CR1L: variants seen among roughly 807,000 people sequenced by gnomAD.
CR1L encodes complement C3b/C4b receptor 1 like.
CR1L carries 59 observed loss-of-function variants against 62.3 expected under a neutral mutation model. The observed-to-expected ratio is 0.95, with a 90% CI of 0.77 to 1.18. CR1L has a LOEUF of 1.18. Ranked by LOEUF, CR1L falls within the 50% of genes most tolerant of loss-of-function variation. The probability of loss-of-function intolerance (pLI) is 0.00; values close to 1 mark genes in which losing one functional copy is unlikely to be tolerated. For synonymous variants in CR1L, 279 were observed against 248.7 expected, an observed-to-expected ratio of 1.12 and a Z score of -1.15; for missense variants, 700 against 702.8, an observed-to-expected ratio of 1.00 and a Z score of 0.04.
chr1:207,674,635 A>G (rs1195557818), intron 1 of CR1L, among the ~76,000 whole-genome samples: 4 of 152,208 alleles, frequency 2.6e-5, no homozygotes, highest in African/African-American at 4.8e-5. Flanking sequence ...ATGGTTCATT[A>G]TATTTGCTTT....
chr1:207,676,515 TG>T (rs1486857852), intron 1 of CR1L, among the ~76,000 whole-genome samples: 2 of 152,208 alleles, frequency 1.3e-5, no homozygotes, highest in Non-Finnish European at 2.9e-5. Flanking sequence ...TAATGCCTGA[TG>T]ATCTGAGTGG....
At chr1:207,723,439 AT>A (rs1267432593) in intron 11 of CR1L, among the ~76,000 whole-genome samples, 178 bp from the exon 12 acceptor site, 12 of 151,182 alleles carry the variant, frequency 7.9e-5, no homozygotes, top group Admixed American at 2.0e-4. Context: ...AAAAAAAAAA[AT>A]CTTCTCTGAG....
At chr1:207,708,630 C>T (rs1246490948) in intron 10 of CR1L, among the ~76,000 whole-genome samples, 2 of 152,214 alleles carry the variant, frequency 1.3e-5, no homozygotes, top group African/African-American at 4.8e-5. Flanking sequence ...AGTATCACAT[C>T]AGATATTCAA....
intron 10 of CR1L, among the ~76,000 whole-genome samples, chr1:207,712,656 A>C (rs1458282700): frequency 2.0e-5 from 3 of 152,182 alleles, no homozygotes; most frequent in African/African-American, 7.2e-5. Flanking sequence ...GCGTCTCTGC[A>C]CTGCATGCCC....
intron 4 of CR1L, among the ~76,000 whole-genome samples, chr1:207,685,065 A>G (rs1663878328): frequency 6.6e-6 from 1 of 152,266 alleles, no homozygotes; most frequent in African/African-American, 2.4e-5. Flanking sequence ...TAATAAGATA[A>G]CATGGAATTG....
intron 3 of CR1L, among the ~76,000 whole-genome samples, chr1:207,683,294 G>A (rs1663834152): frequency 1.3e-5 from 2 of 152,046 alleles, no homozygotes; most frequent in Middle Eastern, 3.4e-3. Context: ...GTGCCACCAT[G>A]CGTGGCTTTT....
intron 9 of CR1L, 31 bp from the exon 10 acceptor site, chr1:207,708,147 A>G (rs1021492939): frequency 6.3e-7 from 1 of 1,590,138 alleles, no homozygotes; most frequent in African/African-American, 1.5e-5. Flanking sequence ...AGGTATGTAC[A>G]GCACAATTAT....
At chr1:207,649,779 C>T (rs1663193766) in intron 1 of CR1L, among the ~76,000 whole-genome samples, 1 of 152,114 alleles carries the variant, frequency 6.6e-6, no homozygotes, top group Non-Finnish European at 1.5e-5. Context: ...ATTGGAGAGC[C>T]ATCGAAAGGT....
chr1:207,673,078 T>C (rs1427728816), intron 1 of CR1L, among the ~76,000 whole-genome samples: 1 of 152,184 alleles, frequency 6.6e-6, no homozygotes, highest in Non-Finnish European at 1.5e-5. Context: ...AAACAAATGC[T>C]GTCAATCTAA....
chr1:207,705,999 ATGTG>A (rs1200857176), intron 9 of CR1L, among the ~76,000 whole-genome samples: 1 of 114,158 alleles, frequency 8.8e-6, no homozygotes, highest in Non-Finnish European at 1.7e-5. Flanking sequence ...TGTCATATAT[ATGTG>A]TGTGTGTATG....
intron 9 of CR1L, among the ~76,000 whole-genome samples, chr1:207,702,144 T>A (rs1050473060): frequency 1.3e-5 from 2 of 152,224 alleles, no homozygotes; most frequent in African/African-American, 4.8e-5. Flanking sequence ...CGTGTCTCTG[T>A]GTAGCATTTT....
intron 1 of CR1L, chr1:207,658,436 T>A (rs942928997): frequency 3.3e-5 from 5 of 151,732 alleles, no homozygotes; most frequent in Non-Finnish European, 5.9e-5. Flanking sequence ...ATGAAAGAAG[T>A]GGTGGTCAAG....
In CR1L at chr1:207,717,643, G is replaced by A. The variant is rs1654035274; in HGVS notation, c.1594G>A (p.Gly532Arg). The A allele has an allele frequency of 1.2e-6, 2 of 1,613,870 alleles. No individual in the cohort carries two copies. The highest frequency in any genetic ancestry group is 3.3e-5 in the Admixed American group (2 of 59,998). Residue 532 changes from glycine (G) to arginine (R), a missense_variant, in exon 11 of 12, where the codon GGG (glycine) becomes AGG (arginine). Physicochemically the swap from Gly to Arg is moderately radical, Grantham distance 125. Coordinates refer to ENST00000508064, the MANE Select transcript of CR1L (RefSeq NM_175710.2). ...CCGCACAAGTGAACCTCATGGGAAT[G>A]GGGTTTGGAGCAGCCCTGCCCCTCG... Reference protein sequence around the residue: ...IRRTSEPHGNGVWSSPAPRCE... With the variant: ...IRRTSEPHGNRVWSSPAPRCE...
At chr1:207,706,206 C>G (rs1347924338) in intron 9 of CR1L, among the ~76,000 whole-genome samples, 1 of 151,590 alleles carries the variant, frequency 6.6e-6, no homozygotes, top group Non-Finnish European at 1.5e-5. Context: ...AATCACTTGA[C>G]CCCAGGACCT....
chr1:207,653,875 A>G (rs2102440782), intron 1 of CR1L, among the ~76,000 whole-genome samples: 1 of 152,338 alleles, frequency 6.6e-6, no homozygotes, highest in East Asian at 1.9e-4. Flanking sequence ...GAGGCTGGGG[A>G]ATTCAAGGGC....
Position 207,694,474 on chromosome 1 carries a change from G to T in CR1L, c.585G>T (p.Lys195Asn). Reference sequence around the variant, plus strand: ...GCAATCTTGGAAGCAGAGGGAAAAAGGTGTTTGAGCTTGTGGGTGAGCCCT... The same window carrying T: ...GCAATCTTGGAAGCAGAGGGAAAAATGTGTTTGAGCTTGTGGGTGAGCCCT... ...YHCNLGSRGK[K>N]VFELVGEPSI... is the part of the protein sequence containing the mutation. Residue 195 changes from lysine to asparagine, a missense_variant, in exon 5 of 12, where the codon AAG becomes AAT. Lys to Asn is a moderately conservative substitution (Grantham distance 94). Coordinates refer to ENST00000508064, the MANE Select transcript of CR1L (RefSeq NM_175710.2). The T allele has an allele frequency of 6.2e-7, 1 of 1,613,900 alleles. No individual in the cohort carries two copies. Among genetic ancestry groups the T allele is most frequent in the South Asian group, 1.1e-5 (1 of 91,072 alleles).
intron 1 of CR1L, among the ~76,000 whole-genome samples, chr1:207,648,222 C>G (rs867293473): frequency 0.012 from 893 of 75,210 alleles, 5 homozygotes; most frequent in African/African-American, 0.024. Flanking sequence ...CACACACACA[C>G]AGAAAAAAAA....
Position 207,697,623 on chromosome 1 carries a change from C to T in CR1L, c.983C>T (p.Thr328Met), listed in dbSNP as rs190769287. Residue 328 changes from threonine to methionine, a missense_variant, in exon 6 of 12, where the codon ACG becomes ATG. Thr to Met is a moderately conservative substitution (Grantham distance 81, BLOSUM62 -1). Coordinates refer to ENST00000508064, the MANE Select transcript of CR1L (RefSeq NM_175710.2). ...CEPGYDLRGS[T>M]YLHCTPQGDW... ...CCCGGCTACGACCTCAGAGGATCTA[C>T]GTATTTGCACTGCACACCCCAGGGA... 9.8e-4 allele frequency: 1,575 copies of T among 1,613,976 alleles called. 1 individual carries two copies. The highest frequency in any genetic ancestry group is 1.1e-3 in the Non-Finnish European group (1,325 of 1,179,862).
rs771101680 is a variant in CR1L, at chr1:207,701,589, A to T, written c.1299A>T (p.Gly433=). The change falls in exon 9 of 12, where the codon GGA becomes GGT. Residue 433 remains glycine (G), a synonymous_variant. Transcript: ENST00000508064. ...ATGTGATCACAGACATCCATGTTGG[A>T]TCCAGAATCAACTATTCTTGTACTA... ...MVHVITDIHV[G]SRINYSCTTG... 28 of 1,613,808 alleles carry T rather than the reference A, an allele frequency of 1.7e-5. No homozygotes were observed. In the East Asian group the frequency reaches 6.2e-4, roughly 36 times the overall value.
Sources: allele counts gnomAD v4.1 joint callset (sites outside exome capture counted in the v4.1 genomes callset), GRCh38; gene constraint gnomAD v4.1.1; transcripts MANE v1.5; gene names NCBI Gene and HGNC (gene_info 2026-07-23, HGNC 2026-07-21).